ZCWPW2: variants seen among roughly 807,000 people sequenced by gnomAD.
ZCWPW2 encodes the protein zinc finger CW-type PWWP domain protein 2.
ZCWPW2 carries 45 observed loss-of-function variants against 46.6 expected under a neutral mutation model. That is an observed-to-expected ratio of 0.96 (90% CI 0.76 to 1.24). The LOEUF is 1.24. ZCWPW2 is among the 50% of genes most tolerant of loss of function. ZCWPW2 has a pLI of 0.00. For missense variants in ZCWPW2, 429 were observed against 403.9 expected, an observed-to-expected ratio of 1.06 and a Z score of -0.53; for synonymous variants, 152 against 137.1, an observed-to-expected ratio of 1.11 and a Z score of -0.76.
chr3:28,414,488 G>A (rs1430289921), intron 3 of ZCWPW2, among the ~76,000 whole-genome samples: 1 of 151,580 alleles, frequency 6.6e-6, no homozygotes, highest in Non-Finnish European at 1.5e-5. Flanking sequence ...TTAAGTTTTA[G>A]GGTACATGTG....
chr3:28,514,172 T>C (rs972601214), intron 7 of ZCWPW2, 50 bp downstream of exon 7: 2 of 1,270,868 alleles, frequency 1.6e-6, no homozygotes, highest in African/African-American at 3.1e-5. Flanking sequence ...AAATATATAT[T>C]GGATTTAGTT....
rs779631847 is a variant in ZCWPW2 at position 28,413,089 on chromosome 3, T to C, written c.21T>C (p.Asp7=). The C allele has an allele frequency of 1.9e-6, 3 of 1,610,232 alleles. No individual in the cohort carries two copies. Among genetic ancestry groups the C allele is most frequent in the Non-Finnish European group, 2.5e-6 (3 of 1,177,806 alleles). The stretch of plus-strand genomic sequence containing the variant: ...CCTTAATGGATAAAGAAAAATTGGA[T>C]GTTAAGATTGAATATTGTAACTATG... MDKEKL[D]VKIEYCNYAM... Residue 7 remains aspartate, a synonymous_variant, in exon 3 of 10, where the codon GAT becomes GAC. Transcript: ENST00000383768.
At chr3:28,399,785 A>T (rs1310186420) in intron 2 of ZCWPW2, among the ~76,000 whole-genome samples, 1 of 152,316 alleles carries the variant, frequency 6.6e-6, no homozygotes, top group Middle Eastern at 3.4e-3. Flanking sequence ...AGCAACAGCA[A>T]TTAACCCTAG....
intron 6 of ZCWPW2, among the ~76,000 whole-genome samples, chr3:28,500,271 T>A (rs1356912640): frequency 6.6e-6 from 1 of 152,104 alleles, no homozygotes; most frequent in Non-Finnish European, 1.5e-5. Flanking sequence ...GTAAAAGAAA[T>A]CTATATACTA....
chr3:28,393,866 A>T (rs925025564), intron 2 of ZCWPW2, among the ~76,000 whole-genome samples: 2 of 152,130 alleles, frequency 1.3e-5, no homozygotes, highest in Non-Finnish European at 2.9e-5. Context: ...TTTTTCTCTA[A>T]CAAGACAAGC....
In ZCWPW2 at chr3:28,380,948, A is replaced by ATATATATATATATATATATATATATTTGG. The variant is rs1695036272; in HGVS notation, c.-133-9527_-133-9526insATTTGGTATATATATATATATATATATAT. On this transcript the variant is annotated intron_variant, in intron 1 of 9. Coordinates refer to ENST00000383768, the MANE Select transcript of ZCWPW2 (RefSeq NM_001040432.4). ...ATATATATTTGGTATATATATATAT[A>ATATATATATATATATATATATATATTTGG]TATATATATATATATATATATATTT... Among the ~76,000 whole-genome samples the ATATATATATATATATATATATATATTTGG allele has an allele frequency of 4.8e-5, 2 of 41,448 alleles. 1 individual carries two copies. Among genetic ancestry groups the ATATATATATATATATATATATATATTTGG allele is most frequent in the Non-Finnish European group, 8.2e-5 (2 of 24,488 alleles). The allele number at this position is 41,448 out of a possible 152,430, so 27.2% of individuals were successfully genotyped here.
At chr3:28,459,393 C>T (rs969745993) in intron 4 of ZCWPW2, among the ~76,000 whole-genome samples, 6 of 151,484 alleles carry the variant, frequency 4.0e-5, no homozygotes, top group African/African-American at 1.5e-4. Context: ...AAACAAAAAA[C>T]AAAAAACGTA....
At chr3:28,358,990 T>G (rs1328349088) in intron 1 of ZCWPW2, among the ~76,000 whole-genome samples, 1 of 152,146 alleles carries the variant, frequency 6.6e-6, no homozygotes, top group Non-Finnish European at 1.5e-5. Context: ...GAGAAAAGAC[T>G]GAAAACTATT....
At chr3:28,516,692 G>A (rs1418394736) in intron 8 of ZCWPW2, among the ~76,000 whole-genome samples, 1 of 152,038 alleles carries the variant, frequency 6.6e-6, no homozygotes, top group Non-Finnish European at 1.5e-5. Flanking sequence ...GGCTAAATAA[G>A]TCAGTCGTTG....
At chr3:28,392,104 G>A (rs1158817209) in intron 2 of ZCWPW2, among the ~76,000 whole-genome samples, 1 of 152,082 alleles carries the variant, frequency 6.6e-6, no homozygotes, top group African/African-American at 2.4e-5. Flanking sequence ...TCAGCTTTAA[G>A]GACATATAGA....
chr3:28,506,933 A>G (rs970400282), intron 6 of ZCWPW2, among the ~76,000 whole-genome samples: 1 of 152,178 alleles, frequency 6.6e-6, no homozygotes, highest in Admixed American at 6.6e-5. Context: ...CTTCCCTCAA[A>G]TACTTTGAGG....
chr3:28,490,482 T>C (rs1699771423), intron 5 of ZCWPW2, among the ~76,000 whole-genome samples: 1 of 152,150 alleles, frequency 6.6e-6, no homozygotes. Context: ...TGGAATACTA[T>C]GTAGTCATGT....
rs79291187 is a variant in ZCWPW2, at chr3:28,375,320, G to A, written c.-133-15178G>A. Among the ~76,000 whole-genome samples, 1,044 of 151,930 alleles carry A rather than the reference G, an allele frequency of 6.9e-3. 11 individuals carry two copies. The highest frequency in any genetic ancestry group is 0.023 in the African/African-American group (943 of 41,456). Reference sequence around the variant, plus strand: ...TTCAGCCACTCTCTGCCTTTTAATTGGAGAATTGAGTTCATTTAGTCAGTG... The same window carrying A: ...TTCAGCCACTCTCTGCCTTTTAATTAGAGAATTGAGTTCATTTAGTCAGTG... On this transcript the variant is annotated intron_variant, in intron 1 of 9. Coordinates refer to ENST00000383768, the MANE Select transcript of ZCWPW2 (RefSeq NM_001040432.4).
chr3:28,466,814 T>TA (rs756363393), intron 4 of ZCWPW2, among the ~76,000 whole-genome samples: 28 of 151,892 alleles, frequency 1.8e-4, no homozygotes, highest in South Asian at 1.2e-3. Context: ...AAAATAAAAA[T>TA]AAAAATAAAA....
intron 5 of ZCWPW2, among the ~76,000 whole-genome samples, chr3:28,485,844 C>A (rs1027245874): frequency 6.6e-6 from 1 of 151,900 alleles, no homozygotes; most frequent in Non-Finnish European, 1.5e-5. Context: ...CTATTTATTG[C>A]CCTTTTTCTT....
rs762749052 is a variant in ZCWPW2 at position 28,520,959 on chromosome 3, A to G, written c.785-33A>G. 3.1e-6 allele frequency: 5 copies of G among 1,609,762 alleles called. No individual in the cohort carries two copies. In the African/African-American group the frequency reaches 4.0e-5, roughly 13 times the overall value. ...AATTAGATTGAATTAAGTGAGATGTAGCATTTTTACTGTATTAATCCTGTT... is the reference window on the plus strand; with the variant it reads ...AATTAGATTGAATTAAGTGAGATGTGGCATTTTTACTGTATTAATCCTGTT... On this transcript the variant is annotated intron_variant, in intron 8 of 9. Transcript: ENST00000383768.
chr3:28,353,221 A>T (rs978977998), intron 1 of ZCWPW2, among the ~76,000 whole-genome samples: 2 of 152,150 alleles, frequency 1.3e-5, no homozygotes, highest in African/African-American at 4.8e-5. Flanking sequence ...TATGATAATT[A>T]TAATTTGTTA....
At chr3:28,393,686 CATT>C (rs1295055809) in intron 2 of ZCWPW2, among the ~76,000 whole-genome samples, 1 of 151,828 alleles carries the variant, frequency 6.6e-6, no homozygotes, top group Non-Finnish European at 1.5e-5. Flanking sequence ...GAGGAACAAA[CATT>C]ATATGATCAT....
At chr3:28,361,638 A>G (rs778513190) in intron 1 of ZCWPW2, among the ~76,000 whole-genome samples, 1 of 152,160 alleles carries the variant, frequency 6.6e-6, no homozygotes, top group Non-Finnish European at 1.5e-5. Context: ...TGCATCTGAT[A>G]GGGGATTAAT....
Sources: gnomAD v4.1 joint callset for allele counts (sites outside exome capture counted in the v4.1 genomes callset) on GRCh38, gnomAD v4.1.1 for gene constraint, MANE v1.5 for transcripts, NCBI Gene and HGNC (gene_info 2026-07-23, HGNC 2026-07-21) for gene names.